CYSLTR2: variants seen among roughly 807,000 people sequenced by gnomAD.
The protein encoded by CYSLTR2 is cysteinyl leukotriene receptor 2.
For synonymous variants in CYSLTR2, 179 were observed against 160.8 expected, an observed-to-expected ratio of 1.11 and a Z score of -0.86; for missense variants, 398 against 411.9, an observed-to-expected ratio of 0.97 and a Z score of 0.29.
chr13:48,658,980 G>A (rs1325936142), intron 1 of CYSLTR2, among the ~76,000 whole-genome samples: 1 of 152,086 alleles, frequency 6.6e-6, no homozygotes, highest in Non-Finnish European at 1.5e-5. Flanking sequence ...GTGGAGATAG[G>A]GAGCCATTGA....
At chr13:48,680,795 C>CTTTT (rs1268529678) in intron 1 of CYSLTR2, among the ~76,000 whole-genome samples, 27 of 110,588 alleles carry the variant, frequency 2.4e-4, no homozygotes, top group African/African-American at 6.6e-4. Flanking sequence ...CTTTTCTTTT[C>CTTTT]TTTTCTTTTT....
intron 1 of CYSLTR2, among the ~76,000 whole-genome samples, chr13:48,656,970 T>C (rs929455301): frequency 1.3e-5 from 2 of 152,230 alleles, no homozygotes; most frequent in African/African-American, 4.8e-5. Context: ...TCTCAGGGTA[T>C]TGGCCACTGC....
intron 1 of CYSLTR2, among the ~76,000 whole-genome samples, chr13:48,676,574 A>G (rs1383941197): frequency 6.6e-6 from 1 of 152,228 alleles, no homozygotes; most frequent in Non-Finnish European, 1.5e-5. Context: ...CAGCCAATTG[A>G]TTGAATGTGA....
intron 1 of CYSLTR2, among the ~76,000 whole-genome samples, chr13:48,661,251 C>A (rs1181897153): frequency 1.3e-5 from 2 of 151,836 alleles, no homozygotes; most frequent in Non-Finnish European, 2.9e-5. Context: ...TTTGCCTGGC[C>A]GCATTACCCC....
intron 1 of CYSLTR2, among the ~76,000 whole-genome samples, chr13:48,673,430 C>T (rs574103873): frequency 1.5e-4 from 20 of 130,336 alleles, no homozygotes; most frequent in African/African-American, 4.0e-4. Flanking sequence ...ATTGTAACCC[C>T]GGCTTTTTTT....
chr13:48,680,728 A>G (rs750176545), intron 1 of CYSLTR2, among the ~76,000 whole-genome samples: 13 of 147,710 alleles, frequency 8.8e-5, no homozygotes, highest in Admixed American at 4.7e-4. Context: ...CGCATACTTC[A>G]TTGGTCTGGC....
At chr13:48,684,381 C>CA (rs1212448943) in intron 1 of CYSLTR2, among the ~76,000 whole-genome samples, 1 of 151,718 alleles carries the variant, frequency 6.6e-6, no homozygotes, top group East Asian at 2.0e-4. Flanking sequence ...TCAACTCTCA[C>CA]ATTCCCATAA....
chr13:48,693,206 C>CA (rs966732363), intron 2 of CYSLTR2, among the ~76,000 whole-genome samples: 29 of 150,774 alleles, frequency 1.9e-4, no homozygotes, highest in African/African-American at 6.6e-4. Context: ...TTCAGTTTAA[C>CA]AAAAAAAAAT....
chr13:48,663,749 T>A (rs2138821074), intron 1 of CYSLTR2, among the ~76,000 whole-genome samples: 1 of 151,982 alleles, frequency 6.6e-6, no homozygotes, highest in South Asian at 2.1e-4. Context: ...AGAGTCTTTC[T>A]ATATATGAGA....
intron 1 of CYSLTR2, among the ~76,000 whole-genome samples, chr13:48,674,823 T>C (rs1230318650): frequency 6.6e-6 from 1 of 152,256 alleles, no homozygotes; most frequent in East Asian, 1.9e-4. Flanking sequence ...GCATCCTTTT[T>C]GTTAATGTTG....
Position 48,708,207 on chromosome 13 carries a change from C to T in CYSLTR2, c.*349C>T. On this transcript the variant is annotated 3_prime_UTR_variant, in exon 5 of 5. Coordinates refer to ENST00000682523, the MANE Select transcript of CYSLTR2 (RefSeq NM_001308476.3). Reference sequence around the variant, plus strand: ...AATTCTTCAAAAGAGCCACAACTTCCCCAGCTTCTCCAGCTCCCCTGTCCT... The same window carrying T: ...AATTCTTCAAAAGAGCCACAACTTCTCCAGCTTCTCCAGCTCCCCTGTCCT... The T allele has an allele frequency of 5.3e-6, 1 of 189,294 alleles. No individual in the cohort carries two copies. The highest frequency in any genetic ancestry group is 5.7e-5 in the Admixed American group (1 of 17,622). 11.7% of individuals were successfully genotyped at this position (189,294 alleles called of 1,614,324 possible).
chr13:48,690,957 T>G (rs1192979276), intron 1 of CYSLTR2, among the ~76,000 whole-genome samples: 1 of 152,132 alleles, frequency 6.6e-6, no homozygotes, highest in East Asian at 1.9e-4. Context: ...CCTCCTCTTT[T>G]GCAATGCATT....
Position 48,707,052 on chromosome 13 carries a change from A to C in CYSLTR2, c.235A>C (p.Asn79His), listed in dbSNP as rs546852131. Residue 79 changes from asparagine (N) to histidine (H), a missense_variant, in exon 5 of 5, where the codon AAT (asparagine) becomes CAT (histidine). Physicochemically the swap from Asn to His is moderately conservative, Grantham distance 68. Coordinates refer to ENST00000682523, the MANE Select transcript of CYSLTR2 (RefSeq NM_001308476.3). ...KSTSVNVFMLNLAISDLLFIS... is the reference protein window; with the variant it reads ...KSTSVNVFMLHLAISDLLFIS... Reference sequence around the variant, plus strand: ...CACATCTGTGAACGTTTTCATGCTAAATCTGGCCATTTCAGATCTCCTGTT... The same window carrying C: ...CACATCTGTGAACGTTTTCATGCTACATCTGGCCATTTCAGATCTCCTGTT... 1.1e-5 allele frequency: 18 copies of C among 1,614,068 alleles called. No homozygotes were observed. Among genetic ancestry groups the C allele is most frequent in the Non-Finnish European group, 1.5e-5 (18 of 1,180,044 alleles).
chr13:48,657,168 T>C (rs1363498942), intron 1 of CYSLTR2, among the ~76,000 whole-genome samples: 1 of 152,266 alleles, frequency 6.6e-6, no homozygotes, highest in African/African-American at 2.4e-5. Context: ...TTGAACTTTA[T>C]TAACCTCTTT....
intron 1 of CYSLTR2, among the ~76,000 whole-genome samples, chr13:48,674,506 A>G (rs564800940): frequency 6.6e-6 from 1 of 152,268 alleles, no homozygotes; most frequent in South Asian, 2.1e-4. Flanking sequence ...TGGTTATTCT[A>G]GTTAGCAGTT....
intron 3 of CYSLTR2, among the ~76,000 whole-genome samples, chr13:48,695,391 T>TTCTCTCTC (rs144547434): frequency 4.3e-5 from 6 of 138,730 alleles, no homozygotes; most frequent in East Asian, 4.1e-4. Context: ...CTTTCTTTCT[T>TTCTCTCTC]TCTCTCTCTC....
At chr13:48,701,926 A>G (rs1173169722) in intron 4 of CYSLTR2, among the ~76,000 whole-genome samples, 3 of 152,188 alleles carry the variant, frequency 2.0e-5, no homozygotes, top group African/African-American at 7.2e-5. Context: ...TACCCAAAGG[A>G]TTATAAATCA....
At chr13:48,670,958 C>A (rs1027595139) in intron 1 of CYSLTR2, among the ~76,000 whole-genome samples, 25 of 152,164 alleles carry the variant, frequency 1.6e-4, no homozygotes, top group African/African-American at 6.0e-4. Context: ...TTTCCTTGAG[C>A]AGTGGTTTGT....
At chr13:48,695,627 C>T (rs1954164963) in intron 3 of CYSLTR2, among the ~76,000 whole-genome samples, 1 of 151,492 alleles carries the variant, frequency 6.6e-6, no homozygotes, top group Non-Finnish European at 1.5e-5. Flanking sequence ...TCTGTGTTCT[C>T]CATTTCTATA....
Sources: allele counts gnomAD v4.1 joint callset (sites outside exome capture counted in the v4.1 genomes callset), GRCh38; gene constraint gnomAD v4.1.1; transcripts MANE v1.5; gene names NCBI Gene and HGNC (gene_info 2026-07-23, HGNC 2026-07-21).